The following LYNX1 variants were observed in gnomAD, a reference collection of about 807,000 sequenced individuals.
The protein encoded by LYNX1 is ly-6/neurotoxin-like protein 1.
In LYNX1, 8 loss-of-function variants were observed where a neutral mutation model predicts 8.3. The ratio of observed to expected loss-of-function variants is 0.97; its 90% CI spans 0.57 to 1.74. The LOEUF is 1.74. LYNX1 is among the 40% of genes most tolerant of loss of function. The pLI, the probability that LYNX1 is intolerant of heterozygous loss-of-function variation, is 0.00. For missense variants in LYNX1, 158 were observed against 159.7 expected, an observed-to-expected ratio of 0.99 and a Z score of 0.06; for synonymous variants, 73 against 67.9, an observed-to-expected ratio of 1.08 and a Z score of -0.37.
rs1325948351 is a variant in LYNX1, at chr8:142,772,172, A to T, written c.*2995T>A. ...CCGCCCAAGCAGCCACTCCTGAGTC[A>T]CTCGGGCATGTCCAGGACTCAGGTC... On this transcript the variant is annotated 3_prime_UTR_variant, in exon 4 of 4. Coordinates refer to ENST00000652477, the MANE Select transcript of LYNX1 (RefSeq NM_177477.4). 1 of 986,004 alleles carries T rather than the reference A, an allele frequency of 1.0e-6. No homozygotes were observed. The highest frequency in any genetic ancestry group is 1.2e-6 in the Non-Finnish European group (1 of 830,132). 61.1% of individuals were successfully genotyped at this position (986,004 alleles called of 1,614,324 possible).
Position 142,774,145 on chromosome 8 carries a change from G to GCCCGGCCC in LYNX1, c.*1021_*1022insGGGCCGGG. The stretch of plus-strand genomic sequence containing the variant: ...GCTGCGGGGGAGGGGCTGGGTCTCC[G>GCCCGGCCC]CCCTCCCCACCCCACCCTCCCCACT... On this transcript the variant is annotated 3_prime_UTR_variant, in exon 4 of 4. Transcript: ENST00000652477. 2.0e-6 allele frequency: 2 copies of GCCCGGCCC among 981,860 alleles called. No individual in the cohort carries two copies. The highest frequency in any genetic ancestry group is 2.4e-6 in the Non-Finnish European group (2 of 827,994). The allele number at this position is 981,860 out of a possible 1,614,324, so 60.8% of individuals were successfully genotyped here.
Position 142,771,877 on chromosome 8 carries a change from CAG to C in LYNX1, c.*3288_*3289del. On this transcript the variant is annotated 3_prime_UTR_variant, in exon 4 of 4. Coordinates refer to ENST00000652477, the MANE Select transcript of LYNX1 (RefSeq NM_177477.4). ...AGCCCTGCCCCCAAAGACCCCAGGA[CAG>C]ACCAGAGCTCCTGCTGGAGCCGGGT... 9 of 985,980 alleles carry C rather than the reference CAG, an allele frequency of 9.1e-6. No homozygotes were observed. In the African/African-American group the frequency reaches 1.6e-4, roughly 17 times the overall value. 61.1% of individuals were successfully genotyped at this position (985,980 alleles called of 1,614,324 possible).
chr8:142,773,230 C>T lies in LYNX1; in HGVS notation c.*1937G>A, dbSNP rs986439111. ...TGCAGCTGAGAGGGCCTCATTTGGG[C>T]ACTGCCCTGAGGCTGGCACTTGCAG... is the stretch of plus-strand genomic sequence containing the variant. On this transcript the variant is annotated 3_prime_UTR_variant, in exon 4 of 4. Transcript: ENST00000652477. The T allele has an allele frequency of 7.1e-6, 7 of 985,462 alleles. 1 individual carries two copies. The South Asian group carries it at 3.3e-4, about 46-fold the overall frequency. The allele number at this position is 985,462 out of a possible 1,614,324, so 61.0% of individuals were successfully genotyped here. A position where few individuals can be genotyped will look rare whatever the true frequency, so the allele number is the denominator to read the frequency against.
Position 142,775,618 on chromosome 8 carries a change from A to G in LYNX1, c.129T>C (p.Val43=). The change falls in exon 3 of 4, where the codon GTT becomes GTC. Residue 43 remains valine (V), a synonymous_variant. Transcript: ENST00000652477. The part of the protein sequence containing the change: ...CFNPMRCPAM[V]AYCMTTRTYY... ...AGGTGCGCGTGGTCATGCAGTAGGC[A>G]ACCATAGCCGGGCAGCGCATGGGGT... 1 of 1,600,130 alleles carries G rather than the reference A, an allele frequency of 6.2e-7. No homozygotes were observed. Among genetic ancestry groups the G allele is most frequent in the East Asian group, 2.3e-5 (1 of 44,292 alleles).
intron 2 of LYNX1, 59 bp downstream of exon 2, chr8:142,775,847 G>T (rs2585125): frequency 0.99 from 1,595,112 of 1,606,800 alleles, 792,395 homozygotes; most frequent in East Asian, 1. Context: ...CTTCCCTACT[G>T]TCAGCCCATC....
rs111461133 is a variant in LYNX1, at chr8:142,773,980, T to G, written c.*1187A>C. The G allele has an allele frequency of 1.1e-5, 11 of 985,212 alleles. No individual in the cohort carries two copies. The highest frequency in any genetic ancestry group is 1.3e-5 in the Non-Finnish European group (11 of 829,926). 61.0% of individuals were successfully genotyped at this position (985,212 alleles called of 1,614,324 possible). ...TGCATCGGGGATGGATTGGTGCGTG[T>G]TGGGCTGACCCCTGCTTCCCAGGCC... is the stretch of plus-strand genomic sequence containing the variant. On this transcript the variant is annotated 3_prime_UTR_variant, in exon 4 of 4. Transcript: ENST00000652477.
At chr8:142,775,470 G>C in intron 3 of LYNX1, 107 bp from the exon 4 acceptor site, 2 of 1,566,806 alleles carry the variant, frequency 1.3e-6, no homozygotes, top group South Asian at 2.3e-5. Flanking sequence ...TCAGCCTGGA[G>C]CTCCCAGACA....
Position 142,776,072 on chromosome 8 carries a change from G to T in LYNX1, c.-115C>A. On this transcript the variant is annotated 5_prime_UTR_variant, in exon 2 of 4. Transcript: ENST00000652477. ...CTCAGGGTGGTGCGCAGAGGACGTG[G>T]GGCCGGCCCTGCCTCCCGGAGCTCC... 8.0e-7 allele frequency: 1 copy of T among 1,256,822 alleles called. No individual in the cohort carries two copies. The highest frequency in any genetic ancestry group is 1.1e-6 in the Non-Finnish European group (1 of 885,990). The allele number at this position is 1,256,822 out of a possible 1,614,324, so 77.9% of individuals were successfully genotyped here. A position where few individuals can be genotyped will look rare whatever the true frequency, so the allele number is the denominator to read the frequency against.
In LYNX1 at chr8:142,774,853, C is replaced by T. The variant is rs1815334826; in HGVS notation, c.*314G>A. On this transcript the variant is annotated 3_prime_UTR_variant, in exon 4 of 4. Coordinates refer to ENST00000652477, the MANE Select transcript of LYNX1 (RefSeq NM_177477.4). The stretch of plus-strand genomic sequence containing the variant: ...GCTTCCCAGAAGGTGGGCTTGGCCA[C>T]AGCTCCCATCTGCTCAGTGCTCCCT... 1 of 1,231,604 alleles carries T rather than the reference C, an allele frequency of 8.1e-7. No homozygotes were observed. Among genetic ancestry groups the T allele is most frequent in the East Asian group, 3.6e-5 (1 of 27,862 alleles). The allele number at this position is 1,231,604 out of a possible 1,614,324, so 76.3% of individuals were successfully genotyped here.
Position 142,772,223 on chromosome 8 carries a change from C to T in LYNX1, c.*2944G>A. 1.0e-6 allele frequency: 1 copy of T among 986,022 alleles called. No individual in the cohort carries two copies. Among genetic ancestry groups the T allele is most frequent in the Non-Finnish European group, 1.2e-6 (1 of 830,036 alleles). The allele number at this position is 986,022 out of a possible 1,614,324, so 61.1% of individuals were successfully genotyped here. On this transcript the variant is annotated 3_prime_UTR_variant, in exon 4 of 4. Transcript: ENST00000652477. Reference sequence around the variant, plus strand: ...CACACAGACAGTGGCAACAGCTAGCCCTGGGCATCTACCCCCATGAAGGGG... The same window carrying T: ...CACACAGACAGTGGCAACAGCTAGCTCTGGGCATCTACCCCCATGAAGGGG...
Position 142,771,580 on chromosome 8 carries a change from G to A in LYNX1, c.*3587C>T. The A allele has an allele frequency of 1.0e-6, 1 of 985,644 alleles. No individual in the cohort carries two copies. The highest frequency in any genetic ancestry group is 1.2e-6 in the Non-Finnish European group (1 of 829,992). 61.1% of individuals were successfully genotyped at this position (985,644 alleles called of 1,614,324 possible). A position where few individuals can be genotyped will look rare whatever the true frequency, so the allele number is the denominator to read the frequency against. On this transcript the variant is annotated 3_prime_UTR_variant, in exon 4 of 4. Coordinates refer to ENST00000652477, the MANE Select transcript of LYNX1 (RefSeq NM_177477.4). ...GCCCAGAGGGAAGGAGATCCTGAGGGGCTGGCAGATTCAGGCCCTCCCTGC... is the reference window on the plus strand; with the variant it reads ...GCCCAGAGGGAAGGAGATCCTGAGGAGCTGGCAGATTCAGGCCCTCCCTGC...
intron 3 of LYNX1, 93 bp from the exon 4 acceptor site, chr8:142,775,456 C>T (rs587598163): frequency 1.6e-5 from 26 of 1,576,344 alleles, no homozygotes; most frequent in Non-Finnish European, 2.2e-5. Context: ...CAGGGCAGGG[C>T]CCCTCAGCCT....
In LYNX1 at chr8:142,772,446, C is replaced by T. The variant is rs1421324113; in HGVS notation, c.*2721G>A. 1 of 985,394 alleles carries T rather than the reference C, an allele frequency of 1.0e-6. No homozygotes were observed. Among genetic ancestry groups the T allele is most frequent in the Non-Finnish European group, 1.2e-6 (1 of 829,968 alleles). The allele number at this position is 985,394 out of a possible 1,614,324, so 61.0% of individuals were successfully genotyped here. A position where few individuals can be genotyped will look rare whatever the true frequency, so the allele number is the denominator to read the frequency against. ...TTTCCATTTTGTAAACTCACCTCCC[C>T]CTTCCCAGGCTTGGGGGTCCAAGGA... On this transcript the variant is annotated 3_prime_UTR_variant, in exon 4 of 4. Coordinates refer to ENST00000652477, the MANE Select transcript of LYNX1 (RefSeq NM_177477.4).
At chr8:142,777,491 CCTGGGCA>C (rs1815476426), upstream of LYNX1, among the ~76,000 whole-genome samples, 1 of 125,062 alleles carries the variant, frequency 8.0e-6, no homozygotes, top group African/African-American at 3.3e-5. Context: ...GGACCCGCCT[CCTGGGCA>C]CCCGCCGAGC....
Position 142,773,392 on chromosome 8 carries a change from GGCA to G in LYNX1, c.*1772_*1774del. 1 of 985,826 alleles carries G rather than the reference GGCA, an allele frequency of 1.0e-6. No individual in the cohort carries two copies. The highest frequency in any genetic ancestry group is 1.2e-6 in the Non-Finnish European group (1 of 830,254). The allele number at this position is 985,826 out of a possible 1,614,324, so 61.1% of individuals were successfully genotyped here. ...GGGGAGTCCAGGCCCACCCTGTGCTGGCAGCAACTCCTTCCCAGCTCTGGGCCC... is the reference window on the plus strand; with the variant it reads ...GGGGAGTCCAGGCCCACCCTGTGCTGGCAACTCCTTCCCAGCTCTGGGCCC... On this transcript the variant is annotated 3_prime_UTR_variant, in exon 4 of 4. Transcript: ENST00000652477.
chr8:142,777,005 G>C (rs1308885071), intron 1 of LYNX1, 101 bp downstream of exon 1: 4 of 152,166 alleles, frequency 2.6e-5, no homozygotes, highest in Non-Finnish European at 4.4e-5. Context: ...CTGCGGCTTC[G>C]AGCTTCCCAA....
rs764854150 is a variant in LYNX1 at position 142,775,279 on chromosome 8, G to A, written c.239C>T (p.Ala80Val). The A allele has an allele frequency of 3.7e-5, 59 of 1,613,942 alleles. No individual in the cohort carries two copies. The highest frequency in any genetic ancestry group is 2.5e-4 in the South Asian group (23 of 91,092). ...ETVYDGYSKHASTTSCCQYDL... is the reference protein window; with the variant it reads ...ETVYDGYSKHVSTTSCCQYDL... ...GTACTGGCAGCAGGAGGTGGTGGACGCGTGCTTGGAGTAGCCATCATACAC... is the reference window on the plus strand; with the variant it reads ...GTACTGGCAGCAGGAGGTGGTGGACACGTGCTTGGAGTAGCCATCATACAC... Residue 80 changes from alanine (A) to valine (V), a missense_variant, in exon 4 of 4, where the codon GCG becomes GTG. Transcript: ENST00000652477.
At position 142,774,865 on chromosome 8, in the gene LYNX1, G is replaced by A. The variant is rs1450871778; in HGVS notation, c.*302C>T. The A allele has an allele frequency of 1.8e-5, 23 of 1,296,708 alleles. No homozygotes were observed. Among genetic ancestry groups the A allele is most frequent in the Middle Eastern group, 2.9e-4 (1 of 3,408 alleles). The allele number at this position is 1,296,708 out of a possible 1,614,324, so 80.3% of individuals were successfully genotyped here. ...GTGGGCTTGGCCACAGCTCCCATCTGCTCAGTGCTCCCTGCCTGACTGGGC... is the reference window on the plus strand; with the variant it reads ...GTGGGCTTGGCCACAGCTCCCATCTACTCAGTGCTCCCTGCCTGACTGGGC... On this transcript the variant is annotated 3_prime_UTR_variant, in exon 4 of 4. Transcript: ENST00000652477.
chr8:142,772,635 C>T lies in LYNX1; in HGVS notation c.*2532G>A. ...CATTGCCGGGCTGCTATACAGTGCT[C>T]AGGGCCACAGTGCAGTGGGGGGACC... On this transcript the variant is annotated 3_prime_UTR_variant, in exon 4 of 4. Coordinates refer to ENST00000652477, the MANE Select transcript of LYNX1 (RefSeq NM_177477.4). The T allele has an allele frequency of 1.0e-5, 10 of 985,564 alleles. No homozygotes were observed. Among genetic ancestry groups the T allele is most frequent in the Non-Finnish European group, 1.2e-5 (10 of 830,022 alleles). 61.1% of individuals were successfully genotyped at this position (985,564 alleles called of 1,614,324 possible). A position where few individuals can be genotyped will look rare whatever the true frequency, so the allele number is the denominator to read the frequency against.
Sources: gnomAD v4.1 joint callset for allele counts (sites outside exome capture counted in the v4.1 genomes callset) on GRCh38, gnomAD v4.1.1 for gene constraint, MANE v1.5 for transcripts, NCBI Gene and HGNC (gene_info 2026-07-23, HGNC 2026-07-21) for gene names.